The following PFKFB4 variants were observed in gnomAD, a reference collection of about 807,000 sequenced individuals.
PFKFB4 encodes the protein 6-phosphofructo-2-kinase/fructose-2,6-biphosphatase 4, also known as 6-phosphofructo-2-kinase/fructose-2,6-bisphosphatase 4.
Under a neutral mutation model 62.8 loss-of-function variants are expected in PFKFB4, and 42 were observed. The observed-to-expected ratio is 0.67, with a 90% CI of 0.52 to 0.86. PFKFB4 has a LOEUF of 0.86. Ranked by LOEUF, PFKFB4 falls within the 40% of genes least tolerant of loss-of-function variation. The pLI, the probability that PFKFB4 is intolerant of heterozygous loss-of-function variation, is 0.00. For missense variants in PFKFB4, 475 were observed against 627.2 expected (o/e 0.76, Z 2.59); for synonymous variants, 204 against 240.7 (o/e 0.85, Z 1.41).
At chr3:48,526,876 G>A (rs1229463277) in intron 9 of PFKFB4, among the ~76,000 whole-genome samples, 1 of 151,128 alleles carries the variant, frequency 6.6e-6, no homozygotes, top group African/African-American at 2.4e-5. Context: ...GGGAGGCAGA[G>A]ATTGCAGGGA....
chr3:48,561,672 C>T (rs2043434918), upstream of PFKFB4: 1 of 151,928 alleles, frequency 6.6e-6, no homozygotes, highest in Admixed American at 6.6e-5. The surrounding 1 kb of genome is among the most constrained non-coding windows in gnomAD (Gnocchi z 5.2). Flanking sequence ...TGAGCACCTC[C>T]TGCTGCAGGA....
intron 7 of PFKFB4, 167 bp from the exon 8 acceptor site, chr3:48,536,630 A>G (rs1307851161): frequency 1.7e-6 from 1 of 605,344 alleles, no homozygotes; most frequent in African/African-American, 1.8e-5. Flanking sequence ...GTGAGGCGGG[A>G]GCAACACAGT....
At position 48,519,638 on chromosome 3, in the gene PFKFB4, C is replaced by T. The variant is rs528826006; in HGVS notation, c.*109G>A. ...GGGTTCCGCCAGCCATGTGTGGCTT[C>T]AAGAATATCCCTGCATGGCATGGTG... On this transcript the variant is annotated 3_prime_UTR_variant, in exon 14 of 14. Coordinates refer to ENST00000232375, the MANE Select transcript of PFKFB4 (RefSeq NM_004567.4). 3.4e-6 allele frequency: 3 copies of T among 871,826 alleles called. No homozygotes were observed. The East Asian group carries it at 7.5e-5, about 22-fold the overall frequency. 54.0% of individuals were successfully genotyped at this position (871,826 alleles called of 1,614,324 possible).
upstream of PFKFB4, among the ~76,000 whole-genome samples, chr3:48,557,899 G>A (rs1420592543): frequency 6.6e-6 from 1 of 152,030 alleles, no homozygotes; most frequent in Non-Finnish European, 1.5e-5. Context: ...TATCTTAATC[G>A]TCTTTCCAGA....
At chr3:48,536,731 G>C in intron 7 of PFKFB4, 1 of 468,366 alleles carries the variant, frequency 2.1e-6, no homozygotes, top group Non-Finnish European at 3.9e-6. Flanking sequence ...TCCAAAGTGG[G>C]GGGTCCGCCA....
rs1418175757 is a variant in PFKFB4 at position 48,538,511 on chromosome 3, C to A, written c.619G>T (p.Glu207Ter). Residue 207 changes from glutamate (E) to a stop codon, truncating the protein, a stop_gained, in exon 7 of 14, where the codon GAG (glutamate) becomes TAG (stop). Coordinates refer to ENST00000232375, the MANE Select transcript of PFKFB4 (RefSeq NM_004567.4). LOFTEE classifies it high-confidence loss of function. Reference protein sequence around the residue: ...CYENSYESLDEDLDRDLSYIK... With the variant: ...CYENSYESLD ...GCCCTGACTCACCTATCCAGGTCCTCATCTAGCGACTCGTAGGAGTTCTCA... is the reference window on the plus strand; with the variant it reads ...GCCCTGACTCACCTATCCAGGTCCTAATCTAGCGACTCGTAGGAGTTCTCA... 6.2e-7 allele frequency: 1 copy of A among 1,614,090 alleles called. No homozygotes were observed. The highest frequency in any genetic ancestry group is 1.1e-5 in the South Asian group (1 of 91,088).
rs565638000 is a variant in PFKFB4, at chr3:48,541,473, G to A, written c.379-1702C>T. ...AATTTTTCTGTAGACACAGAGTCTC[G>A]CTATGTAAGCTGGTCTCAAACTCTT... On this transcript the variant is annotated intron_variant, in intron 4 of 13. Transcript: ENST00000232375. Among the ~76,000 whole-genome samples the A allele has an allele frequency of 2.6e-5, 4 of 151,708 alleles. No homozygotes were observed. The East Asian group carries it at 7.9e-4, about 30-fold the overall frequency.
At chr3:48,550,363 C>A in intron 1 of PFKFB4, 129 bp from the exon 2 acceptor site, 1 of 671,528 alleles carries the variant, frequency 1.5e-6, no homozygotes. Context: ...GGCTTCCTAG[C>A]ATCCCCACAC....
upstream of PFKFB4, among the ~76,000 whole-genome samples, chr3:48,558,525 C>T (rs1321606543): frequency 6.6e-6 from 1 of 152,222 alleles, no homozygotes; most frequent in Non-Finnish European, 1.5e-5. Context: ...TTGGATCAGT[C>T]CAAGTCCACC....
intron 4 of PFKFB4, 99 bp from the exon 5 acceptor site, chr3:48,539,870 C>T (rs1311798321): frequency 6.6e-6 from 6 of 910,716 alleles, no homozygotes; most frequent in Non-Finnish European, 1.1e-5. Flanking sequence ...CACAGGCTCT[C>T]TGGGGACTGG....
chr3:48,551,573 C>CGCCCTT (rs1168574280), intron 1 of PFKFB4, among the ~76,000 whole-genome samples: 1 of 126,270 alleles, frequency 7.9e-6, no homozygotes, highest in Non-Finnish European at 1.6e-5. Flanking sequence ...CTCGCTCTGT[C>CGCCCTT]GCCCTTGCCC....
intron 1 of PFKFB4, among the ~76,000 whole-genome samples, chr3:48,554,686 G>A (rs936051519): frequency 6.6e-6 from 1 of 152,160 alleles, no homozygotes; most frequent in Non-Finnish European, 1.5e-5. Flanking sequence ...CAGACGTAGT[G>A]AGAAGCAAAG....
upstream of PFKFB4, chr3:48,562,907 A>ACAATG: frequency 6.2e-7 from 1 of 1,605,538 alleles, no homozygotes; most frequent in Non-Finnish European, 8.5e-7. The surrounding 1 kb of genome is among the most constrained non-coding windows in gnomAD (Gnocchi z 4.3). Context: ...CAGCGATAGG[A>ACAATG]CAATGCGCGA....
rs569185436 is a variant in PFKFB4, at chr3:48,546,020, T to C, written c.312-2374A>G. On this transcript the variant is annotated intron_variant, in intron 3 of 13. Coordinates refer to ENST00000232375, the MANE Select transcript of PFKFB4 (RefSeq NM_004567.4). Reference sequence around the variant, plus strand: ...GAGCCTGGGAGCCTGTGTGTGTGCGTGTGTGTGTGTGTGTATAAGAGAGTG... The same window carrying C: ...GAGCCTGGGAGCCTGTGTGTGTGCGCGTGTGTGTGTGTGTATAAGAGAGTG... Among the ~76,000 whole-genome samples the C allele has an allele frequency of 3.0e-4, 45 of 151,056 alleles. No homozygotes were observed. In the East Asian group the frequency reaches 5.4e-3, roughly 18 times the overall value.
upstream of PFKFB4, chr3:48,562,901 G>A (rs747949979): frequency 6.9e-6 from 11 of 1,605,494 alleles, no homozygotes; most frequent in East Asian, 4.5e-5. This position sits in a 1 kb window ranked among gnomAD's most constrained non-coding sequence, Gnocchi z 4.3. Flanking sequence ...GACATCCAGC[G>A]ATAGGACAAT....
At chr3:48,559,581 G>A (rs2043400860), upstream of PFKFB4, 1 of 456,910 alleles carries the variant, frequency 2.2e-6, no homozygotes, top group African/African-American at 2.0e-5. Context: ...ATCAGCGGAT[G>A]CCCGGTAGAA....
intron 1 of PFKFB4, among the ~76,000 whole-genome samples, chr3:48,553,604 GAAGGGGCCC>G (rs2043221448): frequency 6.6e-6 from 1 of 152,224 alleles, no homozygotes; most frequent in East Asian, 1.9e-4. Context: ...CTCTAGGAGC[GAAGGGGCCC>G]AAGGGGCCTG....
upstream of PFKFB4, among the ~76,000 whole-genome samples, chr3:48,558,811 G>A (rs552187537): frequency 1.2e-4 from 18 of 152,260 alleles, no homozygotes; most frequent in African/African-American, 4.1e-4. Flanking sequence ...TGATGAGCTG[G>A]GTGCCCCTCG....
At position 48,549,881 on chromosome 3, in the gene PFKFB4, C is replaced by T; in HGVS notation, c.294G>A (p.Glu98=). The T allele has an allele frequency of 6.2e-7, 1 of 1,610,382 alleles. No homozygotes were observed. ...ATACTTACTTCCTGATTTTCAGGCC[C>T]TCTTCATTGTCGGGGAGAAAAAATT... is the stretch of plus-strand genomic sequence containing the variant. ...SFEFFLPDNE[E]GLKIRKQCAL... Residue 98 remains glutamate, a synonymous_variant, in exon 3 of 14, where the codon GAG becomes GAA. Transcript: ENST00000232375.
Sources: gnomAD v4.1 joint callset for allele counts (sites outside exome capture counted in the v4.1 genomes callset) on GRCh38, gnomAD v4.1.1 for gene constraint, Gnocchi (gnomAD v3.1) non-coding constraint, MANE v1.5 for transcripts, NCBI Gene and HGNC (gene_info 2026-07-23, HGNC 2026-07-21) for gene names.